The following CTNNA2 variants were observed in gnomAD, a reference collection of about 807,000 sequenced individuals.
CTNNA2 encodes catenin alpha-2.
Under a neutral mutation model 101.0 loss-of-function variants are expected in CTNNA2, and 42 were observed. That is an observed-to-expected ratio of 0.42 (90% CI 0.32 to 0.54). CTNNA2 has a LOEUF of 0.54. Ranked by LOEUF, CTNNA2 falls within the 20% of genes least tolerant of loss-of-function variation. The pLI, the probability that CTNNA2 is intolerant of heterozygous loss-of-function variation, is 0.14. For synonymous variants in CTNNA2, 450 were observed against 456.4 expected (o/e 0.99, Z 0.18); for missense variants, 871 against 1,223.1 (o/e 0.71, Z 4.29).
chr2:80,633,255 G>A (rs1356803643), intron 18 of CTNNA2, among the ~76,000 whole-genome samples: 37 of 152,120 alleles, frequency 2.4e-4, no homozygotes, highest in East Asian at 1.9e-4. Context: ...GGTATATAAC[G>A]TTTAGGGATA....
chr2:80,276,735 A>G (rs1673941153), intron 7 of CTNNA2, among the ~76,000 whole-genome samples: 1 of 152,108 alleles, frequency 6.6e-6, no homozygotes, highest in Non-Finnish European at 1.5e-5. Context: ...CAGATCTCAC[A>G]GGAACTAAGA....
intron 2 of CTNNA2, among the ~76,000 whole-genome samples, chr2:79,725,355 C>T (rs1686767818): frequency 6.6e-6 from 1 of 152,144 alleles, no homozygotes; most frequent in South Asian, 2.1e-4. Flanking sequence ...TGTTACTTCC[C>T]CTCTTTGACA....
At chr2:79,892,541 T>C (rs1251226050) in intron 6 of CTNNA2, among the ~76,000 whole-genome samples, 2 of 152,180 alleles carry the variant, frequency 1.3e-5, no homozygotes, top group African/African-American at 4.8e-5. Context: ...TATAATAGAA[T>C]GTGATTTCCA....
chr2:79,822,205 G>A (rs760074967), intron 3 of CTNNA2, among the ~76,000 whole-genome samples: 6 of 150,522 alleles, frequency 4.0e-5, no homozygotes, highest in Non-Finnish European at 8.9e-5. Context: ...TTAATTTTTG[G>A]TTAGTGATTA....
At chr2:80,638,634 A>G (rs575472211) in intron 18 of CTNNA2, among the ~76,000 whole-genome samples, 10 of 151,966 alleles carry the variant, frequency 6.6e-5, no homozygotes, top group Non-Finnish European at 1.3e-4. Flanking sequence ...AAACTGTTTC[A>G]CCTTTATTGG....
chr2:79,669,286 T>C (rs1024772463), intron 2 of CTNNA2, among the ~76,000 whole-genome samples: 31 of 152,198 alleles, frequency 2.0e-4, no homozygotes, highest in African/African-American at 7.0e-4. Context: ...TGCAAATGTT[T>C]TAAGTTTCTT....
chr2:79,944,498 A>G (rs1047147899), intron 7 of CTNNA2, among the ~76,000 whole-genome samples: 4 of 152,208 alleles, frequency 2.6e-5, no homozygotes, highest in Non-Finnish European at 5.9e-5. Context: ...AAATGGTCAC[A>G]TAGGCCACTA....
intron 4 of CTNNA2, among the ~76,000 whole-genome samples, chr2:79,503,446 A>G (rs1320938221): frequency 6.6e-6 from 1 of 152,154 alleles, no homozygotes; most frequent in African/African-American, 2.4e-5. Context: ...CTTCTGACCA[A>G]AGAACTTATT....
chr2:79,977,222 G>GCA (rs72018840), intron 7 of CTNNA2, among the ~76,000 whole-genome samples: 3,547 of 144,774 alleles, frequency 0.025, 61 homozygotes, highest in African/African-American at 0.048. Flanking sequence ...GCATATGCAT[G>GCA]CACACACACA....
chr2:80,030,008 G>A (rs1216889162), intron 7 of CTNNA2, among the ~76,000 whole-genome samples: 1 of 151,956 alleles, frequency 6.6e-6, no homozygotes, highest in Admixed American at 6.6e-5. Flanking sequence ...GACCCCAAGG[G>A]GTGCTTGGAG....
chr2:79,649,909 TG>T (rs1681097858), intron 1 of CTNNA2, among the ~76,000 whole-genome samples: 1 of 152,268 alleles, frequency 6.6e-6, no homozygotes, highest in South Asian at 2.1e-4. Context: ...TTTCTACTAG[TG>T]CCTATTGTGA....
chr2:80,587,781 G>C (rs776276044), intron 14 of CTNNA2, among the ~76,000 whole-genome samples: 24 of 152,284 alleles, frequency 1.6e-4, no homozygotes, highest in South Asian at 8.3e-4. Context: ...CTGTCTTATG[G>C]AAAATATGTG....
chr2:79,638,241 A>T (rs1040891428), intron 1 of CTNNA2, among the ~76,000 whole-genome samples: 1 of 152,230 alleles, frequency 6.6e-6, no homozygotes, highest in East Asian at 1.9e-4. Flanking sequence ...CCTCATTTGC[A>T]TTTCCTAAAG....
intron 7 of CTNNA2, among the ~76,000 whole-genome samples, chr2:80,313,019 G>C (rs1383415856): frequency 6.6e-6 from 1 of 152,138 alleles, no homozygotes; most frequent in Non-Finnish European, 1.5e-5. Context: ...CTAATCAATA[G>C]CCTGTGGAAT....
chr2:79,292,468 C>G (rs1675848592), intron 2 of CTNNA2, among the ~76,000 whole-genome samples: 1 of 152,158 alleles, frequency 6.6e-6, no homozygotes, highest in Non-Finnish European at 1.5e-5. Flanking sequence ...GGTTGAATAG[C>G]TTGAATCATC....
chr2:79,509,664 C>T (rs1671493242), upstream of CTNNA2, among the ~76,000 whole-genome samples: 1 of 152,022 alleles, frequency 6.6e-6, no homozygotes, highest in African/African-American at 2.4e-5. Context: ...AGTATGATAC[C>T]ATAGTGGTGG....
At chr2:80,120,121 C>G (rs1573139086) in intron 7 of CTNNA2, among the ~76,000 whole-genome samples, 1 of 152,076 alleles carries the variant, frequency 6.6e-6, no homozygotes, top group African/African-American at 2.4e-5. Context: ...TTCCTCAGTG[C>G]TTTTTTTAAC....
chr2:80,213,062 C>T (rs949534655), intron 7 of CTNNA2, among the ~76,000 whole-genome samples: 8 of 151,686 alleles, frequency 5.3e-5, no homozygotes, highest in African/African-American at 1.9e-4. Context: ...TGGTGATATC[C>T]CCTTTATCAT....
chr2:79,418,914 A>G (rs1423018414), intron 4 of CTNNA2, among the ~76,000 whole-genome samples: 1 of 152,148 alleles, frequency 6.6e-6, no homozygotes. Flanking sequence ...CAGGTTATCA[A>G]TGAGATGATT....
Sources: allele counts gnomAD v4.1 joint callset (sites outside exome capture counted in the v4.1 genomes callset), GRCh38; gene constraint gnomAD v4.1.1; transcripts MANE v1.5; gene names NCBI Gene and HGNC (gene_info 2026-07-23, HGNC 2026-07-21).